Variants in CPT1B observed in about 807,000 individuals in gnomAD.
CPT1B encodes the protein carnitine palmitoyltransferase 1B, also known as carnitine O-palmitoyltransferase 1, muscle isoform.
A neutral mutation model predicts 92.7 loss-of-function variants in CPT1B; 57 were observed. The ratio of observed to expected loss-of-function variants is 0.62; its 90% confidence interval spans 0.50 to 0.77. The LOEUF (loss-of-function observed/expected upper bound fraction) is 0.77. CPT1B is among the 30% of genes least tolerant of loss of function. The pLI is 0.00. For missense variants in CPT1B, 983 were observed against 1,017.4 expected, an observed-to-expected ratio of 0.97 and a Z score of 0.46; for synonymous variants, 398 against 383.5, an observed-to-expected ratio of 1.04 and a Z score of -0.44.
rs145748704 is a variant in CPT1B, at chr22:50,577,372, T to G, written c.233A>C (p.Asp78Ala). 1 of 1,613,932 alleles carries G rather than the reference T, an allele frequency of 6.2e-7. No homozygotes were observed. Among genetic ancestry groups the G allele is most frequent in the Non-Finnish European group, 8.5e-7 (1 of 1,179,998 alleles). The change falls in exon 3 of 20, where the codon GAC (aspartate) becomes GCC (alanine). Residue 78 changes from aspartate (D) to alanine (A), a missense_variant. Transcript: ENST00000312108. Reference protein sequence around the residue: ...ATVGSSFCNVDISLGLVSCIQ... With the variant: ...ATVGSSFCNVAISLGLVSCIQ... ...GCAACTGACCAGCCCCAAGGAGATG[T>G]CCACGTTGCAGAAGGAGGAACCCAC...
At position 50,577,923 on chromosome 22, in the gene CPT1B, G is replaced by A; in HGVS notation, c.-8C>T. On this transcript the variant is annotated 5_prime_UTR_variant, in exon 2 of 20. Coordinates refer to ENST00000312108, the MANE Select transcript of CPT1B (RefSeq NM_152246.3). ...CTGGTGAGCTTCCGCCATCCTGGGG[G>A]TTGGTCGGCACCTAGGACGGGGGCA... The A allele has an allele frequency of 6.2e-7, 1 of 1,606,128 alleles. No homozygotes were observed. Among genetic ancestry groups the A allele is most frequent in the South Asian group, 1.1e-5 (1 of 91,006 alleles).
At chr22:50,577,195 T>C (rs2070484607) in intron 3 of CPT1B, 129 bp downstream of exon 3, 30 of 1,399,658 alleles carry the variant, frequency 2.1e-5, no homozygotes, top group Non-Finnish European at 2.7e-5. Flanking sequence ...ATGGTTGTCA[T>C]AGGGGAGGGC....
At chr22:50,577,595 C>T (rs2146643021) in intron 2 of CPT1B, 132 bp from the exon 3 acceptor site, 1 of 1,414,124 alleles carries the variant, frequency 7.1e-7, no homozygotes, top group South Asian at 1.3e-5. Flanking sequence ...GCTCCTTCCT[C>T]CGCCACACCC....
chr22:50,575,864 G>T (rs1438173893), intron 7 of CPT1B, among the ~76,000 whole-genome samples, 171 bp downstream of exon 7: 2 of 152,084 alleles, frequency 1.3e-5, no homozygotes, highest in African/African-American at 4.8e-5. Context: ...AGCTGCTTCT[G>T]GACTCTTCTA....
chr22:50,572,085 G>A lies in CPT1B; in HGVS notation c.1496C>T (p.Thr499Met), dbSNP rs773536548. ...TTTGCCCAGGCAGTGCCCGGTCTCC[G>A]TGTAGCCCAGGTGGAAGCTGTCTGT... Reference protein sequence around the residue: ...LGTDSFHLGYTETGHCLGKPN... With the variant: ...LGTDSFHLGYMETGHCLGKPN... Residue 499 changes from threonine to methionine, a missense_variant, in exon 13 of 20, where the codon ACG (threonine) becomes ATG (methionine). Thr to Met is a moderately conservative substitution (Grantham distance 81). Coordinates refer to ENST00000312108, the MANE Select transcript of CPT1B (RefSeq NM_152246.3). 33 of 1,614,018 alleles carry A rather than the reference G, an allele frequency of 2.0e-5. No individual in the cohort carries two copies. The East Asian group carries it at 2.4e-4, about 12-fold the overall frequency.
rs530492283 is a variant in CPT1B at position 50,577,327 on chromosome 22, T to C, written c.278A>G (p.Gln93Arg). ...LVSCIQRCLP[Q>R]GCGPYQTPQT... ...CCCTTCCAGTTTCACTCCTTACCCCTGAGGGAGGCATCTCTGGATGCAACT... is the reference window on the plus strand; with the variant it reads ...CCCTTCCAGTTTCACTCCTTACCCCCGAGGGAGGCATCTCTGGATGCAACT... Residue 93 changes from glutamine (Q) to arginine (R), a missense_variant, in exon 3 of 20, where the codon CAG (glutamine) becomes CGG (arginine). By Grantham distance (43) the Gln-to-Arg change is conservative. Transcript: ENST00000312108. 1.1e-4 allele frequency: 170 copies of C among 1,613,674 alleles called. 3 individuals carry two copies. In the South Asian group the frequency reaches 1.8e-3, roughly 17 times the overall value.
In CPT1B at chr22:50,575,731, G is replaced by A. The variant is rs55656248; in HGVS notation, c.777+304C>T. 7.8e-3 allele frequency among the ~76,000 whole-genome samples: 1,183 copies of A among 152,334 alleles called. 13 individuals carry two copies. The highest frequency in any genetic ancestry group is 0.027 in the African/African-American group (1,133 of 41,576). On this transcript the variant is annotated intron_variant, in intron 7 of 19. Coordinates refer to ENST00000312108, the MANE Select transcript of CPT1B (RefSeq NM_152246.3). ...GAACCCATGGCCAGGAGGCCAGTGA[G>A]GAAACCAAGGAAAGAGGTGACAGAG...
At position 50,572,999 on chromosome 22, in the gene CPT1B, C is replaced by T. The variant is rs779801967; in HGVS notation, c.1228G>A (p.Glu410Lys). ...FSSGKNKAAL[E>K]AIERAAFFVA... ...AAGAAAGCGGCACGCTCGATGGCCT[C>T]CAAGGCAGCCTTATTCTTTCCAGAG... Residue 410 changes from glutamate to lysine, a missense_variant, in exon 11 of 20, where the codon GAG (glutamate) becomes AAG (lysine). Physicochemically the swap from Glu to Lys is moderately conservative, Grantham distance 56. Transcript: ENST00000312108. 6.2e-6 allele frequency: 10 copies of T among 1,613,484 alleles called. No individual in the cohort carries two copies. The highest frequency in any genetic ancestry group is 8.5e-6 in the Non-Finnish European group (10 of 1,179,730).
At chr22:50,572,701 T>G (rs1030974029) in intron 11 of CPT1B, among the ~76,000 whole-genome samples, 174 bp downstream of exon 11, 3 of 152,218 alleles carry the variant, frequency 2.0e-5, no homozygotes, top group African/African-American at 7.2e-5. Context: ...CCCAGGCTGG[T>G]CTTGAGCTCC....
rs1194084589 is a variant in CPT1B at position 50,572,292 on chromosome 22, A to G, written c.1369T>C (p.Phe457Leu). ...NCYNRWFDKS[F>L]TLISFKNGQL... is the part of the protein sequence containing the mutation. Reference sequence around the variant, plus strand: ...CCATTCTTGAAGGAAATGAGAGTGAAGGATTTGTCAAACCACCTGCAGGAA... The same window carrying G: ...CCATTCTTGAAGGAAATGAGAGTGAGGGATTTGTCAAACCACCTGCAGGAA... The change falls in exon 12 of 20, where the codon TTC becomes CTC. Residue 457 changes from phenylalanine to leucine, a missense_variant. By Grantham distance (22) the Phe-to-Leu change is conservative (BLOSUM62 0). Transcript: ENST00000312108. The G allele has an allele frequency of 6.2e-7, 1 of 1,613,622 alleles. No homozygotes were observed. Among genetic ancestry groups the G allele is most frequent in the Non-Finnish European group, 8.5e-7 (1 of 1,179,672 alleles).
At chr22:50,569,154 G>T in intron 19 of CPT1B, 73 bp from the exon 20 acceptor site, 1 of 564,006 alleles carries the variant, frequency 1.8e-6, no homozygotes, top group Non-Finnish European at 3.1e-6. Context: ...TTCCCTTCCT[G>T]CTCCAACCCC....
At chr22:50,569,539 C>G (rs1275339055) in intron 18 of CPT1B, 37 bp downstream of exon 18, 1 of 1,608,632 alleles carries the variant, frequency 6.2e-7, no homozygotes, top group Non-Finnish European at 8.5e-7. Context: ...CCAGGTGGCA[C>G]CCCTTCCTCA....
At position 50,571,741 on chromosome 22, in the gene CPT1B, G is replaced by A. The variant is rs187475720; in HGVS notation, c.1576-202C>T. On this transcript the variant is annotated intron_variant, in intron 13 of 19. Transcript: ENST00000312108. ...TCAGCTTTGTGGGTAAGAGGGAAGT[G>A]CTGAAAATGCTCCAGGGGCCTGTGA... is the stretch of plus-strand genomic sequence containing the variant. 3.2e-5 allele frequency: 21 copies of A among 657,682 alleles called. 1 individual carries two copies. The highest frequency in any genetic ancestry group is 1.2e-4 in the Admixed American group (4 of 34,570). The allele number at this position is 657,682 out of a possible 1,614,324, so 40.7% of individuals were successfully genotyped here.
intron 5 of CPT1B, 29 bp downstream of exon 5, chr22:50,576,507 C>T (rs763787464): frequency 3.8e-6 from 6 of 1,592,880 alleles, no homozygotes; most frequent in Non-Finnish European, 5.1e-6. Flanking sequence ...CCTCCCCTGC[C>T]CACTGGGATG....
At chr22:50,574,801 G>T (rs901374566) in intron 7 of CPT1B, 2 of 568,130 alleles carry the variant, frequency 3.5e-6, no homozygotes, top group African/African-American at 3.8e-5. Flanking sequence ...AGCCTGAGCT[G>T]CTTTATTCTT....
intron 19 of CPT1B, 100 bp downstream of exon 19, chr22:50,569,236 G>A (rs1392586549): frequency 5.1e-6 from 6 of 1,173,490 alleles, no homozygotes; most frequent in Non-Finnish European, 6.1e-6. Flanking sequence ...TGTCCTTGGA[G>A]CCTGGGCACC....
rs923332070 is a variant in CPT1B at position 50,574,191 on chromosome 22, C to T, written c.970+144G>A. On this transcript the variant is annotated intron_variant, in intron 9 of 19. Coordinates refer to ENST00000312108, the MANE Select transcript of CPT1B (RefSeq NM_152246.3). ...CCTGCGCCAGCATCATGCCTGTAAA[C>T]AATGGATGTCTAGTATCTGTCACAA... 22 of 720,310 alleles carry T rather than the reference C, an allele frequency of 3.1e-5. 1 individual carries two copies. The highest frequency in any genetic ancestry group is 3.7e-4 in the Middle Eastern group (1 of 2,688). 44.6% of individuals were successfully genotyped at this position (720,310 alleles called of 1,614,324 possible). A position where few individuals can be genotyped will look rare whatever the true frequency, so the allele number is the denominator to read the frequency against.
upstream of CPT1B, chr22:50,578,508 G>C (rs1017868776): frequency 3.2e-5 from 5 of 156,440 alleles, no homozygotes; most frequent in African/African-American, 9.6e-5. Context: ...CCCAAATCGG[G>C]GTCGGGGAAA....
Position 50,576,641 on chromosome 22 carries a change from G to C in CPT1B, c.460-4C>G, listed in dbSNP as rs986161498. ...TGGATAGAAGGCGGATACACATCTG[G>C]GGGTACAGAGCAGAGTGCTGGGGTG... On this transcript the variant is annotated splice_region_variant and splice_polypyrimidine_tract_variant and intron_variant, in intron 4 of 19. Transcript: ENST00000312108. 6.2e-7 allele frequency: 1 copy of C among 1,610,540 alleles called. No homozygotes were observed. Among genetic ancestry groups the C allele is most frequent in the Non-Finnish European group, 8.5e-7 (1 of 1,178,486 alleles).
Sources: allele counts gnomAD v4.1 joint callset (sites outside exome capture counted in the v4.1 genomes callset), GRCh38; gene constraint gnomAD v4.1.1; transcripts MANE v1.5; gene names NCBI Gene and HGNC (gene_info 2026-07-23, HGNC 2026-07-21).